Variants in QKI observed in about 807,000 individuals in gnomAD.
QKI encodes the protein QKI, KH domain containing RNA binding, also known as KH domain-containing RNA-binding protein QKI.
A neutral mutation model predicts 39.0 loss-of-function variants in QKI; 10 were observed. That is an observed-to-expected ratio of 0.26 (90% CI 0.16 to 0.43). The LOEUF is 0.43. QKI is among the 20% of genes least tolerant of loss of function. QKI has a pLI of 1.00. For missense variants in QKI, 218 were observed against 428.0 expected (o/e 0.51, Z 4.33); for synonymous variants, 204 against 155.4 (o/e 1.31, Z -2.33).
chr6:163,415,865 A>G, intron 1 of QKI: 2 of 502,758 alleles, frequency 4.0e-6, no homozygotes, highest in South Asian at 1.5e-5. Context: ...GTGGTTGGGG[A>G]GTTGGTGCAG....
intron 1 of QKI, among the ~76,000 whole-genome samples, chr6:163,454,025 G>A (rs991008782): frequency 6.6e-6 from 1 of 151,962 alleles, no homozygotes; most frequent in Non-Finnish European, 1.5e-5. Context: ...TCAATAAATT[G>A]AACTTCCCCA....
chr6:163,576,888 C>T lies in QKI; in HGVS notation c.*6178C>T, dbSNP rs1784002423. 1.3e-5 allele frequency: 2 copies of T among 152,274 alleles called. No homozygotes were observed. The highest frequency in any genetic ancestry group is 2.1e-4 in the South Asian group (1 of 4,818). The allele number at this position is 152,274 out of a possible 1,614,324, so 9.4% of individuals were successfully genotyped here. A position where few individuals can be genotyped will look rare whatever the true frequency, so the allele number is the denominator to read the frequency against. ...GCATAACATTCACTCTGATTTTAGC[C>T]ATTAAGGGAGATTAGTAAACAGACT... On this transcript the variant is annotated 3_prime_UTR_variant, in exon 8 of 8. Transcript: ENST00000361752.
chr6:163,548,270 A>T (rs1782013112), intron 4 of QKI, among the ~76,000 whole-genome samples: 1 of 152,208 alleles, frequency 6.6e-6, no homozygotes. Flanking sequence ...TGCCTTGCAC[A>T]TACATAGAAA....
At chr6:163,555,987 A>G (rs1276147856) in intron 4 of QKI, among the ~76,000 whole-genome samples, 5 of 152,212 alleles carry the variant, frequency 3.3e-5, no homozygotes, top group African/African-American at 1.2e-4. Context: ...AGGACTTTGA[A>G]TCAGGTATTC....
Position 163,479,578 on chromosome 6 carries a change from G to A in QKI, c.402+682G>A, listed in dbSNP as rs554601042. Among the ~76,000 whole-genome samples the A allele has an allele frequency of 2.0e-5, 3 of 152,306 alleles. No individual in the cohort carries two copies. The South Asian group carries it at 6.2e-4, about 32-fold the overall frequency. ...GTAGAGATGGGGTTTCACCATGTTG[G>A]TCAGTCTGGTCTCGAACTCCTGACC... On this transcript the variant is annotated intron_variant, in intron 3 of 7. Transcript: ENST00000361752.
At chr6:163,529,656 A>G (rs563060355) in intron 3 of QKI, among the ~76,000 whole-genome samples, 2 of 152,328 alleles carry the variant, frequency 1.3e-5, no homozygotes, top group African/African-American at 4.8e-5. Flanking sequence ...GTAATACAGC[A>G]TGGAGTAAAT....
At position 163,575,648 on chromosome 6, in the gene QKI, A is replaced by G. The variant is rs1562564735; in HGVS notation, c.*4938A>G. 1 of 152,334 alleles carries G rather than the reference A, an allele frequency of 6.6e-6. No individual in the cohort carries two copies. The highest frequency in any genetic ancestry group is 1.9e-4 in the East Asian group (1 of 5,192). 9.4% of individuals were successfully genotyped at this position (152,334 alleles called of 1,614,324 possible). ...AAGAGGTCACGAAGGCACCCTGCCC[A>G]TAAAACCAGGATGTGCATACGTACA... On this transcript the variant is annotated 3_prime_UTR_variant, in exon 8 of 8. Transcript: ENST00000361752.
chr6:163,446,131 T>C (rs1033696942), intron 1 of QKI, among the ~76,000 whole-genome samples: 1 of 152,250 alleles, frequency 6.6e-6, no homozygotes, highest in African/African-American at 2.4e-5. Context: ...TGATTTTTAC[T>C]AATTAAAATT....
chr6:163,520,159 T>C (rs1282103977), intron 3 of QKI, among the ~76,000 whole-genome samples: 1 of 152,148 alleles, frequency 6.6e-6, no homozygotes, highest in Non-Finnish European at 1.5e-5. Context: ...TTGAACATAC[T>C]TGAAATGATT....
intron 4 of QKI, among the ~76,000 whole-genome samples, chr6:163,552,375 AT>A (rs1218430679): frequency 6.6e-6 from 1 of 151,724 alleles, no homozygotes; most frequent in East Asian, 1.9e-4. Flanking sequence ...CGCCTGGCTA[AT>A]TTTTTGTATT....
At chr6:163,501,756 T>G (rs1778777730) in intron 3 of QKI, among the ~76,000 whole-genome samples, 1 of 152,234 alleles carries the variant, frequency 6.6e-6, no homozygotes, top group Non-Finnish European at 1.5e-5. Context: ...AATTACGTAC[T>G]TTATGTGATA....
chr6:163,563,953 A>T, intron 6 of QKI: 3 of 1,392,142 alleles, frequency 2.2e-6, no homozygotes, highest in Non-Finnish European at 2.8e-6. Context: ...TGGTTGGGTA[A>T]ATCTGTTGTG....
chr6:163,459,360 G>A (rs1227442350), intron 2 of QKI, among the ~76,000 whole-genome samples: 1 of 152,146 alleles, frequency 6.6e-6, no homozygotes, highest in East Asian at 1.9e-4. Flanking sequence ...CTTGGGAGAG[G>A]GGGTACTATT....
intron 1 of QKI, among the ~76,000 whole-genome samples, chr6:163,431,513 G>A (rs1053243631): frequency 6.6e-6 from 1 of 151,860 alleles, no homozygotes. Flanking sequence ...TTTTAAATTT[G>A]GGAATGACTG....
intron 3 of QKI, among the ~76,000 whole-genome samples, chr6:163,529,794 T>G (rs191843975): frequency 1.3e-5 from 2 of 152,332 alleles, no homozygotes; most frequent in East Asian, 3.9e-4. Flanking sequence ...TTCAGAGATT[T>G]CCTACAAAGC....
At chr6:163,482,055 T>C (rs1793112272) in intron 3 of QKI, among the ~76,000 whole-genome samples, 1 of 151,986 alleles carries the variant, frequency 6.6e-6, no homozygotes, top group Non-Finnish European at 1.5e-5. Flanking sequence ...TGTGGTGGCG[T>C]GCACCTGTAG....
intron 1 of QKI, among the ~76,000 whole-genome samples, chr6:163,428,504 T>C (rs1307427367): frequency 6.6e-6 from 1 of 152,204 alleles, no homozygotes; most frequent in East Asian, 1.9e-4. Flanking sequence ...TTGGGGATCA[T>C]AGTTTTATCA....
At chr6:163,503,859 C>T (rs1777121379) in intron 3 of QKI, among the ~76,000 whole-genome samples, 1 of 151,982 alleles carries the variant, frequency 6.6e-6, no homozygotes, top group Non-Finnish European at 1.5e-5. Context: ...CCTGGCTCAG[C>T]CTCCTGAGTA....
chr6:163,537,298 C>T (rs1454535837), intron 4 of QKI, among the ~76,000 whole-genome samples: 1 of 152,186 alleles, frequency 6.6e-6, no homozygotes, highest in East Asian at 1.9e-4. Context: ...ATACCTAGCA[C>T]ATACATGCTC....
Sources: gnomAD v4.1 joint callset for allele counts (sites outside exome capture counted in the v4.1 genomes callset) on GRCh38, gnomAD v4.1.1 for gene constraint, MANE v1.5 for transcripts, NCBI Gene and HGNC (gene_info 2026-07-23, HGNC 2026-07-21) for gene names.